Variants in CDKAL1 observed in about 807,000 individuals in gnomAD.
The protein encoded by CDKAL1 is threonylcarbamoyladenosine tRNA methylthiotransferase.
CDKAL1 carries 32 observed loss-of-function variants against 68.2 expected under a neutral mutation model. The observed-to-expected ratio is 0.47, with a 90% CI of 0.35 to 0.63. The LOEUF (loss-of-function observed/expected upper bound fraction) is 0.63. CDKAL1 is among the 30% of genes least tolerant of loss of function. CDKAL1 has a pLI of 0.00. For synonymous variants in CDKAL1, 234 were observed against 244.3 expected (o/e 0.96, Z 0.39); for missense variants, 606 against 696.7 (o/e 0.87, Z 1.47).
intron 11 of CDKAL1, among the ~76,000 whole-genome samples, chr6:21,027,346 C>T (rs1325598657): frequency 1.3e-5 from 2 of 152,232 alleles, no homozygotes; most frequent in Admixed American, 6.5e-5. Flanking sequence ...CACCTCAGCT[C>T]TCCTCCTTAT....
chr6:20,907,984 C>T (rs967333300), intron 9 of CDKAL1, among the ~76,000 whole-genome samples: 1 of 152,192 alleles, frequency 6.6e-6, no homozygotes, highest in African/African-American at 2.4e-5. Context: ...GTCACCACTT[C>T]TCCCCATAAT....
chr6:20,657,877 A>G (rs1194853900), intron 5 of CDKAL1, among the ~76,000 whole-genome samples: 1 of 152,176 alleles, frequency 6.6e-6, no homozygotes. Context: ...AAGAATCGCT[A>G]GGAAGCCCCC....
At chr6:20,633,669 A>G (rs2127743782) in intron 4 of CDKAL1, among the ~76,000 whole-genome samples, 1 of 152,344 alleles carries the variant, frequency 6.6e-6, no homozygotes, top group South Asian at 2.1e-4. Context: ...TGAGGGTTCC[A>G]GTTCACGTCC....
intron 2 of CDKAL1, among the ~76,000 whole-genome samples, chr6:20,544,965 TTG>T (rs70990042): frequency 0.21 from 30,872 of 149,208 alleles, 3,984 homozygotes; most frequent in African/African-American, 0.38. Context: ...GATTACAGTT[TTG>T]TGTGTGTGTG....
At chr6:21,224,134 C>T (rs1275043130) in intron 15 of CDKAL1, among the ~76,000 whole-genome samples, 3 of 152,126 alleles carry the variant, frequency 2.0e-5, no homozygotes, top group Non-Finnish European at 2.9e-5. Context: ...GTCCCCCACC[C>T]AAAGATGTCC....
rs544342077 is a variant in CDKAL1, at chr6:20,597,694, C to T, written c.286+48989C>T. On this transcript the variant is annotated intron_variant, in intron 4 of 15. Coordinates refer to ENST00000274695, the MANE Select transcript of CDKAL1 (RefSeq NM_017774.3). ...CCTCCCAAAGTGCTGGGATTACAGG[C>T]GTGAGCCATCACACACAGCCCCATA... Among the ~76,000 whole-genome samples the T allele has an allele frequency of 1.6e-4, 25 of 152,322 alleles. No homozygotes were observed. The East Asian group carries it at 1.7e-3, about 11-fold the overall frequency.
intron 11 of CDKAL1, among the ~76,000 whole-genome samples, chr6:21,042,729 A>G (rs1197147669): frequency 6.6e-6 from 1 of 152,120 alleles, no homozygotes; most frequent in Non-Finnish European, 1.5e-5. Flanking sequence ...TATTTCCAGA[A>G]TCATCTTACT....
intron 9 of CDKAL1, among the ~76,000 whole-genome samples, chr6:20,860,363 G>C (rs1292826329): frequency 6.6e-6 from 1 of 152,178 alleles, no homozygotes; most frequent in Admixed American, 6.5e-5. Flanking sequence ...ACAGGCATGA[G>C]CCACTTGGCT....
At chr6:20,677,175 A>C (rs1770154113) in intron 5 of CDKAL1, among the ~76,000 whole-genome samples, 2 of 151,736 alleles carry the variant, frequency 1.3e-5, no homozygotes, top group Non-Finnish European at 2.9e-5. Context: ...GGTTCAAGCG[A>C]TTCTCCTGCC....
In CDKAL1 at chr6:21,165,107, C is replaced by G. The variant is rs573059963; in HGVS notation, c.1300-32914C>G. ...CAAAGCCTTGTGGCAAAGTAATTGACCACAGCTTTGACAGCAACAAAGATG... is the reference window on the plus strand; with the variant it reads ...CAAAGCCTTGTGGCAAAGTAATTGAGCACAGCTTTGACAGCAACAAAGATG... On this transcript the variant is annotated intron_variant, in intron 13 of 15. Coordinates refer to ENST00000274695, the MANE Select transcript of CDKAL1 (RefSeq NM_017774.3). 6.2e-4 allele frequency among the ~76,000 whole-genome samples: 95 copies of G among 152,348 alleles called. 1 individual carries two copies. The Middle Eastern group carries it at 0.034, about 55-fold the overall frequency.
At chr6:20,657,326 T>A (rs1454820750) in intron 5 of CDKAL1, among the ~76,000 whole-genome samples, 1 of 152,188 alleles carries the variant, frequency 6.6e-6, no homozygotes, top group Non-Finnish European at 1.5e-5. Flanking sequence ...CTCCTTCTGT[T>A]GCACCCAATC....
chr6:21,197,967 T>G (rs1778536912), intron 13 of CDKAL1, 54 bp from the exon 14 acceptor site: 1 of 1,111,418 alleles, frequency 9.0e-7, no homozygotes, highest in Non-Finnish European at 1.3e-6. Context: ...TATTTTTGGA[T>G]TCACAGGTGT....
intron 12 of CDKAL1, among the ~76,000 whole-genome samples, chr6:21,093,665 A>G (rs887555201): frequency 2.7e-5 from 4 of 147,638 alleles, no homozygotes; most frequent in Admixed American, 1.3e-4. Flanking sequence ...TCATAAAGAC[A>G]TAGATAACCA....
Position 20,625,965 on chromosome 6 carries a change from GC to G in CDKAL1, c.287-23326del, listed in dbSNP as rs577967311. On this transcript the variant is annotated intron_variant, in intron 4 of 15. Transcript: ENST00000274695. ...CTTTCTTGTGATCCCCCCATCCCCA[GC>G]CATTAAATTCTAACTAGGATCTATG... 1.7e-4 allele frequency among the ~76,000 whole-genome samples: 26 copies of G among 152,210 alleles called. No individual in the cohort carries two copies. In the South Asian group the frequency reaches 5.2e-3, roughly 30 times the overall value.
At chr6:20,613,611 G>C (rs1379022628) in intron 4 of CDKAL1, among the ~76,000 whole-genome samples, 1 of 149,188 alleles carries the variant, frequency 6.7e-6, no homozygotes, top group East Asian at 2.0e-4. Flanking sequence ...TGAAGTAGTA[G>C]TATATTCCAT....
chr6:20,874,740 T>C (rs934863419), intron 9 of CDKAL1, among the ~76,000 whole-genome samples: 28 of 151,926 alleles, frequency 1.8e-4, no homozygotes, highest in African/African-American at 6.8e-4. Flanking sequence ...GGGCATCAAG[T>C]GATCCGCCTA....
At chr6:20,823,991 A>G (rs1183199459) in intron 8 of CDKAL1, among the ~76,000 whole-genome samples, 1 of 152,182 alleles carries the variant, frequency 6.6e-6, no homozygotes. Flanking sequence ...TTCTTGGGGC[A>G]AATGGGACAA....
intron 12 of CDKAL1, among the ~76,000 whole-genome samples, chr6:21,102,105 A>G (rs1279649157): frequency 1.3e-5 from 2 of 152,032 alleles, no homozygotes; most frequent in African/African-American, 4.8e-5. Context: ...ATGTGTTCTA[A>G]TCATTTAGCC....
At chr6:21,049,280 G>A (rs957674019) in intron 11 of CDKAL1, among the ~76,000 whole-genome samples, 24 of 152,124 alleles carry the variant, frequency 1.6e-4, no homozygotes, top group Non-Finnish European at 2.8e-4. Context: ...GACATTTGCT[G>A]TAGTTTATGA....
Sources: gnomAD v4.1 joint callset for allele counts (sites outside exome capture counted in the v4.1 genomes callset) on GRCh38, gnomAD v4.1.1 for gene constraint, MANE v1.5 for transcripts, NCBI Gene and HGNC (gene_info 2026-07-23, HGNC 2026-07-21) for gene names.